ARHGAP21: variants seen among roughly 807,000 people sequenced by gnomAD.
ARHGAP21 encodes the protein Rho GTPase activating protein 21.
Under a neutral mutation model 164.6 loss-of-function variants are expected in ARHGAP21, and 38 were observed. The observed-to-expected ratio is 0.23, with a 90% confidence interval of 0.18 to 0.30. The LOEUF is 0.30. Ranked by LOEUF, ARHGAP21 falls within the 10% of genes least tolerant of loss-of-function variation. The pLI, the probability that ARHGAP21 is intolerant of heterozygous loss-of-function variation, is 1.00. For synonymous variants in ARHGAP21, 766 were observed against 857.9 expected (o/e 0.89, Z 1.87); for missense variants, 1,822 against 2,370.7 (o/e 0.77, Z 4.81).
At chr10:24,659,764 A>T (rs901035656) in intron 4 of ARHGAP21, among the ~76,000 whole-genome samples, 1 of 152,114 alleles carries the variant, frequency 6.6e-6, no homozygotes, top group Non-Finnish European at 1.5e-5. Flanking sequence ...TTGGCCTCCC[A>T]AAGTGCTGGG....
At chr10:24,664,546 T>C (rs993398325) in intron 4 of ARHGAP21, among the ~76,000 whole-genome samples, 1 of 149,842 alleles carries the variant, frequency 6.7e-6, no homozygotes, top group Non-Finnish European at 1.5e-5. Flanking sequence ...CAGAGTGAGA[T>C]TCCGTCTCAA....
At chr10:24,668,702 A>C (rs1840421263) in intron 3 of ARHGAP21, among the ~76,000 whole-genome samples, 1 of 152,048 alleles carries the variant, frequency 6.6e-6, no homozygotes, top group Non-Finnish European at 1.5e-5. Flanking sequence ...ACATAAGATC[A>C]GTTATCACTT....
chr10:24,631,006 A>G (rs1835798915), intron 6 of ARHGAP21, among the ~76,000 whole-genome samples: 1 of 152,186 alleles, frequency 6.6e-6, no homozygotes, highest in Non-Finnish European at 1.5e-5. Flanking sequence ...TCCTGTTGAA[A>G]ATGATAGAGA....
chr10:24,622,883 G>T, intron 7 of ARHGAP21, 121 bp from the exon 8 acceptor site: 1 of 941,836 alleles, frequency 1.1e-6, no homozygotes, highest in Non-Finnish European at 1.6e-6. Context: ...TCTCTGGAAG[G>T]TACCAAGAGA....
intron 4 of ARHGAP21, among the ~76,000 whole-genome samples, chr10:24,652,375 C>T (rs550415786): frequency 3.9e-5 from 6 of 152,218 alleles, no homozygotes; most frequent in South Asian, 2.1e-4. Flanking sequence ...TTGTGAATAA[C>T]GCATCTTGAA....
At chr10:24,705,488 T>C (rs915228131) in intron 2 of ARHGAP21, among the ~76,000 whole-genome samples, 3 of 152,222 alleles carry the variant, frequency 2.0e-5, no homozygotes, top group East Asian at 1.9e-4. Context: ...CATTCCAGAA[T>C]AGAGAAAACA....
At chr10:24,626,700 A>G (rs1835175180) in intron 7 of ARHGAP21, among the ~76,000 whole-genome samples, 1 of 152,210 alleles carries the variant, frequency 6.6e-6, no homozygotes, top group Non-Finnish European at 1.5e-5. Context: ...TCACTCATGC[A>G]TAGATAACAT....
intron 7 of ARHGAP21, among the ~76,000 whole-genome samples, chr10:24,624,336 A>AATTTTT (rs1565043586): frequency 1.2e-5 from 1 of 84,174 alleles, no homozygotes; most frequent in African/African-American, 4.9e-5. Flanking sequence ...CTGTTCTAGA[A>AATTTTT]CTTTTTTTTT....
intron 7 of ARHGAP21, chr10:24,628,961 T>G (rs2099965169): frequency 7.1e-5 from 1 of 14,116 alleles, no homozygotes; most frequent in East Asian, 1.8e-3. Context: ...ACTATATATA[T>G]ATATATATAT....
intron 2 of ARHGAP21, among the ~76,000 whole-genome samples, chr10:24,688,209 G>A (rs1225549894): frequency 6.6e-6 from 1 of 152,176 alleles, no homozygotes; most frequent in Non-Finnish European, 1.5e-5. Flanking sequence ...TGGCCAACAT[G>A]GCGAAACCCC....
intron 4 of ARHGAP21, among the ~76,000 whole-genome samples, chr10:24,645,647 A>G (rs952495411): frequency 1.3e-5 from 2 of 152,060 alleles, no homozygotes; most frequent in African/African-American, 4.8e-5. Context: ...ATAATTACCT[A>G]AGTACAAAAA....
intron 8 of ARHGAP21, 26 bp from the exon 9 acceptor site, chr10:24,621,395 C>A: frequency 6.6e-7 from 1 of 1,522,206 alleles, no homozygotes; most frequent in South Asian, 1.3e-5. Context: ...AGGAAGGTGT[C>A]ACTGGAAATT....
chr10:24,656,947 G>GGGT (rs1839068762), intron 4 of ARHGAP21, among the ~76,000 whole-genome samples: 1 of 126,240 alleles, frequency 7.9e-6, no homozygotes, highest in Admixed American at 7.4e-5. Flanking sequence ...GTGGGGGGGG[G>GGGT]GTCAGCCCCC....
chr10:24,649,666 C>T (rs561900065), intron 4 of ARHGAP21, among the ~76,000 whole-genome samples: 8 of 149,976 alleles, frequency 5.3e-5, no homozygotes, highest in African/African-American at 2.0e-4. Context: ...AAAGAATCCC[C>T]AAGTAATAAT....
intron 2 of ARHGAP21, among the ~76,000 whole-genome samples, chr10:24,678,465 T>A (rs761688881): frequency 2.4e-4 from 36 of 152,102 alleles, no homozygotes; most frequent in Non-Finnish European, 4.6e-4. Context: ...CAACCACTAA[T>A]CTGTTTTTCT....
At chr10:24,703,006 T>C (rs1843846617) in intron 2 of ARHGAP21, among the ~76,000 whole-genome samples, 1 of 152,172 alleles carries the variant, frequency 6.6e-6, no homozygotes, top group South Asian at 2.1e-4. Flanking sequence ...ACATAGTTTA[T>C]ATTATAGTGT....
intron 9 of ARHGAP21, among the ~76,000 whole-genome samples, chr10:24,613,711 T>C (rs1302133769): frequency 1.3e-5 from 2 of 152,170 alleles, no homozygotes; most frequent in East Asian, 1.9e-4. Context: ...GGAACTACTG[T>C]GAAGTAGGTA....
intron 4 of ARHGAP21, among the ~76,000 whole-genome samples, chr10:24,666,718 T>C (rs1840230858): frequency 1.3e-5 from 2 of 152,128 alleles, no homozygotes; most frequent in East Asian, 1.9e-4. Flanking sequence ...TTAAGTGCTC[T>C]CCTTGGAATT....
At chr10:24,640,096 T>A (rs923174654) in intron 4 of ARHGAP21, 3 of 151,862 alleles carry the variant, frequency 2.0e-5, no homozygotes, top group Non-Finnish European at 4.4e-5. Flanking sequence ...TGGAAAAATA[T>A]ATAGTTTATA....
Sources: gnomAD v4.1 joint callset for allele counts (sites outside exome capture counted in the v4.1 genomes callset) on GRCh38, gnomAD v4.1.1 for gene constraint, MANE v1.5 for transcripts, NCBI Gene and HGNC (gene_info 2026-07-23, HGNC 2026-07-21) for gene names.